The following YIPF6 variants were observed in gnomAD, a reference collection of about 807,000 sequenced individuals.
YIPF6 encodes protein YIPF6.
A neutral mutation model predicts 16.8 loss-of-function variants in YIPF6; 3 were observed. The observed-to-expected ratio is 0.18, with a 90% CI of 0.08 to 0.46. YIPF6 has a LOEUF of 0.46. Ranked by LOEUF, YIPF6 falls within the 20% of genes least tolerant of loss-of-function variation. YIPF6 has a pLI of 0.98. For synonymous variants in YIPF6, 67 were observed against 61.9 expected (o/e 1.08, Z -0.38); for missense variants, 145 against 184.9 (o/e 0.78, Z 1.25).
chrX:68,530,728 C>T (rs1046954909), intron 6 of YIPF6, among the ~76,000 whole-genome samples: 13 of 110,570 alleles, frequency 1.2e-4, no homozygotes, highest in Admixed American at 5.8e-4. Context: ...GGGAGTTCCC[C>T]GACCCCTTGT....
At chrX:68,514,178 G>A (rs1192232912) in intron 3 of YIPF6, 1 of 102,604 alleles carries the variant, frequency 9.7e-6, no homozygotes, top group South Asian at 4.5e-4. Context: ...CTGTAGTGCC[G>A]TGACTGTGCC....
chrX:68,528,600 G>A (rs780096496), intron 6 of YIPF6, among the ~76,000 whole-genome samples: 68 of 111,930 alleles, frequency 6.1e-4, no homozygotes, highest in Non-Finnish European at 6.6e-4. Flanking sequence ...AATTAGTTAC[G>A]TTTTTGCAGT....
In YIPF6 at chrX:68,534,198, G is replaced by A. The variant is rs931517214; in HGVS notation, c.*2199G>A. ...TTTACCCCAAGATAACTTTGCCTAC[G>A]AAATATTTCGCTTTTATTATTTTCA... On this transcript the variant is annotated 3_prime_UTR_variant, in exon 7 of 7. Transcript: ENST00000462683. The A allele has an allele frequency of 2.7e-5, 3 of 111,755 alleles. No homozygotes were observed. The highest frequency in any genetic ancestry group is 9.7e-5 in the African/African-American group (3 of 30,799). 9.2% of individuals were successfully genotyped at this position (111,755 alleles called of 1,213,427 possible).
At chrX:68,528,146 T>C (rs2079156738) in intron 6 of YIPF6, among the ~76,000 whole-genome samples, 1 of 111,594 alleles carries the variant, frequency 9.0e-6, no homozygotes, top group Non-Finnish European at 1.9e-5. Context: ...TAAGAATTTG[T>C]TTTATGAACC....
Position 68,499,208 on chromosome X carries a change from G to A in YIPF6, c.57+85G>A, listed in dbSNP as rs1242343971. The A allele has an allele frequency of 4.6e-6, 5 of 1,082,672 alleles. No individual in the cohort carries two copies. The East Asian group carries it at 1.0e-4, about 22-fold the overall frequency. The allele number at this position is 1,082,672 out of a possible 1,213,427, so 89.2% of individuals were successfully genotyped here. A position where few individuals can be genotyped will look rare whatever the true frequency, so the allele number is the denominator to read the frequency against. Reference sequence around the variant, plus strand: ...GTCGGGGGACGGGCTCGTGGCCTGAGAGCCGGAGCTCCTTCCGCCCGGCAG... The same window carrying A: ...GTCGGGGGACGGGCTCGTGGCCTGAAAGCCGGAGCTCCTTCCGCCCGGCAG... On this transcript the variant is annotated intron_variant, in intron 1 of 6. Transcript: ENST00000462683.
intron 5 of YIPF6, among the ~76,000 whole-genome samples, 163 bp downstream of exon 5, chrX:68,521,660 A>T (rs1472430226): frequency 3.7e-5 from 4 of 107,351 alleles, no homozygotes; most frequent in African/African-American, 1.4e-4. Flanking sequence ...TGCAGCCTCT[A>T]TCTCCCAGGC....
intron 6 of YIPF6, among the ~76,000 whole-genome samples, chrX:68,523,945 A>G (rs1209761560): frequency 1.8e-5 from 2 of 112,173 alleles, no homozygotes; most frequent in Non-Finnish European, 3.8e-5. Flanking sequence ...ACGAAGTAGA[A>G]TCATAGGAGA....
intron 3 of YIPF6, among the ~76,000 whole-genome samples, chrX:68,517,372 C>G (rs1056601961): frequency 9.0e-6 from 1 of 111,318 alleles, no homozygotes; most frequent in Non-Finnish European, 1.9e-5. Context: ...GTCTCAAACT[C>G]CTGAGCTCAG....
chrX:68,522,062 G>T (rs971759993), intron 5 of YIPF6, among the ~76,000 whole-genome samples: 1 of 111,158 alleles, frequency 9.0e-6, no homozygotes, highest in Non-Finnish European at 1.9e-5. Flanking sequence ...ATCATAGGCA[G>T]ACTTTTTTGT....
chrX:68,499,287 C>G (rs1466399157), intron 1 of YIPF6, 164 bp downstream of exon 1: 13 of 634,430 alleles, frequency 2.0e-5, no homozygotes, highest in Non-Finnish European at 3.0e-5. Flanking sequence ...CTGTTCTTTG[C>G]GCTAACCGCT....
chrX:68,520,118 C>T (rs113766257), intron 4 of YIPF6, among the ~76,000 whole-genome samples: 2 of 111,968 alleles, frequency 1.8e-5, no homozygotes, highest in African/African-American at 6.5e-5. Context: ...GAGTGCTGGC[C>T]ATTCTTTGCA....
In YIPF6 at chrX:68,535,398, G is replaced by A. The variant is rs1320421120; in HGVS notation, c.*3399G>A. ...GAAAATCTGTCAGTTCAAGTTCTTG[G>A]GTAACATCAAGTCATTAGAATTTAT... On this transcript the variant is annotated 3_prime_UTR_variant, in exon 7 of 7. Coordinates refer to ENST00000462683, the MANE Select transcript of YIPF6 (RefSeq NM_173834.4). 9.0e-6 allele frequency: 1 copy of A among 111,590 alleles called. No individual in the cohort carries two copies. Among genetic ancestry groups the A allele is most frequent in the East Asian group, 2.8e-4 (1 of 3,562 alleles). The allele number at this position is 111,590 out of a possible 1,213,427, so 9.2% of individuals were successfully genotyped here. A position where few individuals can be genotyped will look rare whatever the true frequency, so the allele number is the denominator to read the frequency against.
In YIPF6 at chrX:68,531,558, A is replaced by G. The variant is rs779724344; in HGVS notation, c.593-323A>G. Among the ~76,000 whole-genome samples, 4 of 112,507 alleles carry G rather than the reference A, an allele frequency of 3.6e-5. No individual in the cohort carries two copies. The South Asian group carries it at 1.5e-3, about 41-fold the overall frequency. ...AAAGCAGAGCAGCACGAGGCCGTTTACCATAGGAACAAATAACCTTACACA... is the reference window on the plus strand; with the variant it reads ...AAAGCAGAGCAGCACGAGGCCGTTTGCCATAGGAACAAATAACCTTACACA... On this transcript the variant is annotated intron_variant, in intron 6 of 6. Coordinates refer to ENST00000462683, the MANE Select transcript of YIPF6 (RefSeq NM_173834.4).
intron 6 of YIPF6, among the ~76,000 whole-genome samples, chrX:68,527,812 T>C (rs1354189554): frequency 3.6e-5 from 4 of 112,177 alleles, no homozygotes; most frequent in Non-Finnish European, 1.9e-5. Flanking sequence ...GAGTTCTAAT[T>C]TGATTGCACT....
At chrX:68,505,696 G>A (rs1427771776) in intron 1 of YIPF6, among the ~76,000 whole-genome samples, 2 of 112,194 alleles carry the variant, frequency 1.8e-5, no homozygotes, top group African/African-American at 3.2e-5. Flanking sequence ...ATAAAATGAA[G>A]AGTAGCATAA....
intron 3 of YIPF6, among the ~76,000 whole-genome samples, chrX:68,518,193 A>G (rs2079111514): frequency 9.6e-6 from 1 of 103,753 alleles, no homozygotes; most frequent in Admixed American, 1.1e-4. Flanking sequence ...AATTGCTTGA[A>G]CCCAGGAGGC....
chrX:68,536,705 A>G lies in YIPF6; in HGVS notation c.*4706A>G, dbSNP rs1465517204. On this transcript the variant is annotated 3_prime_UTR_variant, in exon 7 of 7. Coordinates refer to ENST00000462683, the MANE Select transcript of YIPF6 (RefSeq NM_173834.4). Reference sequence around the variant, plus strand: ...TGGAACACTGTATCAGCAGCATCTGAGAACATAAGAACAGTTGGACATTGG... The same window carrying G: ...TGGAACACTGTATCAGCAGCATCTGGGAACATAAGAACAGTTGGACATTGG... 8.9e-6 allele frequency: 1 copy of G among 111,869 alleles called. No individual in the cohort carries two copies. The highest frequency in any genetic ancestry group is 1.9e-5 in the Non-Finnish European group (1 of 53,220). 9.2% of individuals were successfully genotyped at this position (111,869 alleles called of 1,213,427 possible). A position where few individuals can be genotyped will look rare whatever the true frequency, so the allele number is the denominator to read the frequency against.
chrX:68,508,391 A>G (rs953999869), intron 1 of YIPF6, among the ~76,000 whole-genome samples: 6 of 112,040 alleles, frequency 5.4e-5, no homozygotes, highest in African/African-American at 1.9e-4. Context: ...GGCATCAGCC[A>G]CTGCGGTTAG....
chrX:68,518,792 C>G lies in YIPF6; in HGVS notation c.288C>G (p.Ile96Met). The G allele has an allele frequency of 8.5e-7, 1 of 1,179,918 alleles. No homozygotes were observed. The highest frequency in any genetic ancestry group is 1.1e-6 in the Non-Finnish European group (1 of 883,613). The change falls in exon 4 of 7, where the codon ATC becomes ATG. Residue 96 changes from isoleucine (I) to methionine (M), a missense_variant. Physicochemically the swap from Ile to Met is conservative, Grantham distance 10 (BLOSUM62 1). Coordinates refer to ENST00000462683, the MANE Select transcript of YIPF6 (RefSeq NM_173834.4). ...TAGGGGATTTGTGGGGCCCTTTGAT[C>G]CTTTGTGTGACACTCGCATTGTAAG... The part of the protein sequence containing the change: ...LRDWDLWGPL[I>M]LCVTLALMLQ...
Sources: gnomAD v4.1 joint callset for allele counts (sites outside exome capture counted in the v4.1 genomes callset) on GRCh38, gnomAD v4.1.1 for gene constraint, MANE v1.5 for transcripts, NCBI Gene and HGNC (gene_info 2026-07-23, HGNC 2026-07-21) for gene names.